UBE4A: variants seen among roughly 807,000 people sequenced by gnomAD.
The protein encoded by UBE4A is ubiquitin conjugation factor E4 A.
Under a neutral mutation model 117.9 loss-of-function variants are expected in UBE4A, and 48 were observed. The observed-to-expected ratio is 0.41, with a 90% CI of 0.32 to 0.52. The LOEUF (loss-of-function observed/expected upper bound fraction) is 0.52, where lower values mean the gene tolerates loss of function less well. Among genes scored for constraint, UBE4A ranks in the 20% least tolerant of loss-of-function variants. The pLI, the probability that UBE4A is intolerant of heterozygous loss-of-function variation, is 0.33. For missense variants in UBE4A, 1,067 were observed against 1,296.3 expected (o/e 0.82, Z 2.72); for synonymous variants, 407 against 450.0 (o/e 0.90, Z 1.21).
chr11:118,389,604 T>C, intron 16 of UBE4A, 121 bp from the exon 17 acceptor site: 4 of 989,124 alleles, frequency 4.0e-6, no homozygotes, highest in Non-Finnish European at 5.5e-6. Flanking sequence ...AAAAAGTAGT[T>C]CCTTCAAAAT....
rs891642693 is a variant in UBE4A at position 118,373,598 on chromosome 11, G to A, written c.1029G>A (p.Pro343=). 1.2e-5 allele frequency: 20 copies of A among 1,614,000 alleles called. No homozygotes were observed. The highest frequency in any genetic ancestry group is 1.7e-5 in the Admixed American group (1 of 59,988). Residue 343 remains proline (P), a synonymous_variant, in exon 8 of 20, where the codon CCG becomes CCA. Coordinates refer to ENST00000252108, the MANE Select transcript of UBE4A (RefSeq NM_001204077.2). ...GTATCTCCTGCTTATTAAAGACTCC[G>A]GGTGTTGTAGAAAATCATGGCTACT... ...ILSISCLLKT[P]GVVENHGYFL...
chr11:118,384,706 G>T lies in UBE4A; in HGVS notation c.2269G>T (p.Gly757Trp). The T allele has an allele frequency of 6.2e-7, 1 of 1,614,042 alleles. No individual in the cohort carries two copies. Among genetic ancestry groups the T allele is most frequent in the Non-Finnish European group, 8.5e-7 (1 of 1,179,996 alleles). ...GTATCCTATCCTAAGATACATGTGG[G>T]GGACAGATACCTATCGGGAGAGCAT... ...PMYPILRYMW[G>W]TDTYRESIKD... The change falls in exon 14 of 20, where the codon GGG (glycine) becomes TGG (tryptophan). Residue 757 changes from glycine to tryptophan, a missense_variant. Coordinates refer to ENST00000252108, the MANE Select transcript of UBE4A (RefSeq NM_001204077.2).
chr11:118,384,983 A>C, intron 15 of UBE4A, 38 bp downstream of exon 15: 1 of 1,490,478 alleles, frequency 6.7e-7, no homozygotes, highest in East Asian at 2.3e-5. Flanking sequence ...TAACTTCTCC[A>C]TACCATCAAA....
rs1948640126 is a variant in UBE4A, at chr11:118,375,122, CATTTT to C, written c.1344_1348del (p.Phe449GlnfsTer11). 6.2e-7 allele frequency: 1 copy of C among 1,614,098 alleles called. No individual in the cohort carries two copies. The highest frequency in any genetic ancestry group is 1.7e-5 in the Admixed American group (1 of 60,008). ...GCTGCTCTCCTGAAGCTATGCCAGC[CATTTT>C]GCAAACCCAGATCCTCTCGGCTCCT... is the stretch of plus-strand genomic sequence containing the variant. On this transcript the variant is annotated frameshift_variant, in exon 9 of 20. Coordinates refer to ENST00000252108, the MANE Select transcript of UBE4A (RefSeq NM_001204077.2). LOFTEE classifies it high-confidence loss of function.
chr11:118,395,647 C>G (rs1948863935), intron 19 of UBE4A, among the ~76,000 whole-genome samples: 1 of 152,208 alleles, frequency 6.6e-6, no homozygotes, highest in South Asian at 2.1e-4. Context: ...ACTATAATTA[C>G]AAATAGTTCT....
At chr11:118,367,070 G>C (rs773689095) in intron 2 of UBE4A, among the ~76,000 whole-genome samples, 1 of 152,124 alleles carries the variant, frequency 6.6e-6, no homozygotes, top group African/African-American at 2.4e-5. Context: ...CGGGCGTGGT[G>C]GTGGGCGCCT....
In UBE4A at chr11:118,396,555, T is replaced by C; in HGVS notation, c.*115T>C. The C allele has an allele frequency of 7.6e-7, 1 of 1,315,940 alleles. No individual in the cohort carries two copies. Among genetic ancestry groups the C allele is most frequent in the Non-Finnish European group, 1.0e-6 (1 of 995,532 alleles). 81.5% of individuals were successfully genotyped at this position (1,315,940 alleles called of 1,614,324 possible). On this transcript the variant is annotated 3_prime_UTR_variant, in exon 20 of 20. Transcript: ENST00000252108. The stretch of plus-strand genomic sequence containing the variant: ...TTTCTTCTTTTCTTTTTCTTTTTTT[T>C]TTTTTTTTTTACTAAATTAGAGAAC...
In UBE4A at chr11:118,375,145, C is replaced by T. The variant is rs782350365; in HGVS notation, c.1366C>T (p.Arg456Trp). ...GCCATTTTGCAAACCCAGATCCTCT[C>T]GGCTCCTCACCTTTAATCCCACATA... The part of the protein sequence containing the change: ...CQPFCKPRSS[R>W]LLTFNPTYCA... Residue 456 changes from arginine to tryptophan, a missense_variant, in exon 9 of 20, where the codon CGG becomes TGG. By Grantham distance (101) the Arg-to-Trp change is moderately radical (BLOSUM62 -3). This residue lies in a region of UBE4A where 1,001 missense variants were observed against 1,184.0 expected (regional missense o/e 0.85). Transcript: ENST00000252108. 1.1e-5 allele frequency: 17 copies of T among 1,614,022 alleles called. No individual in the cohort carries two copies. Among genetic ancestry groups the T allele is most frequent in the Non-Finnish European group, 1.4e-5 (16 of 1,180,022 alleles).
At position 118,381,508 on chromosome 11, in the gene UBE4A, C is replaced by T. The variant is rs1246508952; in HGVS notation, c.1994C>T (p.Thr665Ile). 1 of 1,613,968 alleles carries T rather than the reference C, an allele frequency of 6.2e-7. No individual in the cohort carries two copies. The highest frequency in any genetic ancestry group is 2.2e-5 in the East Asian group (1 of 44,874). The stretch of plus-strand genomic sequence containing the variant: ...GTCCTTCACTTTATCACCATTTTCA[C>T]TGGAAGCATAGAAAGGTGAAGTGCT... Reference protein sequence around the residue: ...EHVLHFITIFTGSIERMKNPH... With the variant: ...EHVLHFITIFIGSIERMKNPH... Residue 665 changes from threonine to isoleucine, a missense_variant, in exon 12 of 20, where the codon ACT becomes ATT. By Grantham distance (89) the Thr-to-Ile change is moderately conservative. Around this residue, in one of 3 missense-constraint regions of UBE4A, gnomAD observed 1,001 missense variants for 1,184.0 expected, o/e 0.85. Coordinates refer to ENST00000252108, the MANE Select transcript of UBE4A (RefSeq NM_001204077.2).
Position 118,373,129 on chromosome 11 carries a change from C to T in UBE4A, c.765C>T (p.Ala255=). 1 of 1,613,966 alleles carries T rather than the reference C, an allele frequency of 6.2e-7. No individual in the cohort carries two copies. Among genetic ancestry groups the T allele is most frequent in the East Asian group, 2.2e-5 (1 of 44,842 alleles). Residue 255 remains alanine (A), a synonymous_variant, in exon 7 of 20, where the codon GCC becomes GCT. Transcript: ENST00000252108. ...VTEFLEEVIE[A]LILDEEVRTF... ...AGTTTCTGGAAGAGGTCATTGAAGC[C>T]TTGATATTGGATGAGGAAGTTAGAA... is the stretch of plus-strand genomic sequence containing the variant.
Position 118,373,563 on chromosome 11 carries a change from G to C in UBE4A, c.994G>C (p.Val332Leu), listed in dbSNP as rs1350498754. ...GQMYQKTLLG[V>L]ILSISCLLKT... ...AATGTACCAGAAGACCTTGCTGGGA[G>C]TAATTCTGAGTATCTCCTGCTTATT... Residue 332 changes from valine (V) to leucine (L), a missense_variant, in exon 8 of 20, where the codon GTA becomes CTA. This residue lies in a region of UBE4A where 1,001 missense variants were observed against 1,184.0 expected (regional missense o/e 0.85). Transcript: ENST00000252108. 2.5e-6 allele frequency: 4 copies of C among 1,614,084 alleles called. No homozygotes were observed. Among genetic ancestry groups the C allele is most frequent in the South Asian group, 1.1e-5 (1 of 91,090 alleles).
Position 118,379,446 on chromosome 11 carries a change from G to A in UBE4A, c.1572G>A (p.Arg524=), listed in dbSNP as rs1278319702. 6.2e-7 allele frequency: 1 copy of A among 1,610,664 alleles called. No homozygotes were observed. Among genetic ancestry groups the A allele is most frequent in the East Asian group, 2.2e-5 (1 of 44,810 alleles). Residue 524 remains arginine, a splice_region_variant and synonymous_variant, in exon 11 of 20, where the codon AGG becomes AGA. Coordinates refer to ENST00000252108, the MANE Select transcript of UBE4A (RefSeq NM_001204077.2). ...TEYTLYLGFH[R]LHDQMVKINQ... ...GTCTCTTCTGCTTTCTTGGGGGCAG[G>A]TTGCATGATCAGATGGTAAAAATCA... is the stretch of plus-strand genomic sequence containing the variant.
At chr11:118,381,017 A>T (rs138275227) in intron 11 of UBE4A, among the ~76,000 whole-genome samples, 1 of 152,206 alleles carries the variant, frequency 6.6e-6, no homozygotes, top group Non-Finnish European at 1.5e-5. Context: ...CCAAAAGGCA[A>T]TGATCATTGG....
intron 5 of UBE4A, 43 bp downstream of exon 5, chr11:118,371,709 G>A (rs1246081688): frequency 6.4e-7 from 1 of 1,561,448 alleles, no homozygotes; most frequent in Admixed American, 1.8e-5. Context: ...GTCCTCTTGG[G>A]TATGACTTCA....
chr11:118,375,714 AAATGTTGT>A (rs1948647176), intron 9 of UBE4A, among the ~76,000 whole-genome samples: 1 of 152,114 alleles, frequency 6.6e-6, no homozygotes, highest in African/African-American at 2.4e-5. Context: ...GGTAGCTTTT[AAATGTTGT>A]ACTTTAGTGA....
At chr11:118,361,362 A>T (rs1948519934) in intron 1 of UBE4A, among the ~76,000 whole-genome samples, 1 of 152,196 alleles carries the variant, frequency 6.6e-6, no homozygotes. Flanking sequence ...ATTATTGAAT[A>T]TTAAACAAAA....
chr11:118,371,447 T>A lies in UBE4A; in HGVS notation c.409-67T>A, dbSNP rs1265655217. ...CTAATAACCTGTGTCAGAATTACCT[T>A]TTACATCTTAATGTTCTCAGATTAA... is the stretch of plus-strand genomic sequence containing the variant. On this transcript the variant is annotated intron_variant, in intron 4 of 19. Transcript: ENST00000252108. 6 of 1,518,844 alleles carry A rather than the reference T, an allele frequency of 4.0e-6. No individual in the cohort carries two copies. In the African/African-American group the frequency reaches 6.9e-5, roughly 17 times the overall value. The allele number at this position is 1,518,844 out of a possible 1,614,324, so 94.1% of individuals were successfully genotyped here. A position where few individuals can be genotyped will look rare whatever the true frequency, so the allele number is the denominator to read the frequency against.
intron 5 of UBE4A, among the ~76,000 whole-genome samples, chr11:118,371,906 C>G (rs186335122): frequency 2.0e-5 from 3 of 152,140 alleles, no homozygotes; most frequent in African/African-American, 7.2e-5. Context: ...CCACCCTTCT[C>G]CCCAGTTAAC....
chr11:118,368,959 A>G (rs1281587626), intron 3 of UBE4A, among the ~76,000 whole-genome samples, 155 bp downstream of exon 3: 3 of 152,218 alleles, frequency 2.0e-5, no homozygotes, highest in Non-Finnish European at 4.4e-5. Flanking sequence ...ACCTTTTGGT[A>G]TGACCTAAAA....
Sources: allele counts gnomAD v4.1 joint callset (sites outside exome capture counted in the v4.1 genomes callset), GRCh38; gene constraint gnomAD v4.1.1; regional missense constraint gnomAD v4.1.1; transcripts MANE v1.5; gene names NCBI Gene and HGNC (gene_info 2026-07-23, HGNC 2026-07-21).